FHOD3: variants seen among roughly 807,000 people sequenced by gnomAD.
The protein encoded by FHOD3 is FH1/FH2 domain-containing protein 3.
A neutral mutation model predicts 173.0 loss-of-function variants in FHOD3; 90 were observed. The ratio of observed to expected loss-of-function variants is 0.52; its 90% CI spans 0.44 to 0.62. The LOEUF (loss-of-function observed/expected upper bound fraction) is 0.62, where lower values mean the gene tolerates loss of function less well. Ranked by LOEUF, FHOD3 falls within the 20% of genes least tolerant of loss-of-function variation. The pLI, the probability that FHOD3 is intolerant of heterozygous loss-of-function variation, is 0.00. For missense variants in FHOD3, 1,945 were observed against 2,034.7 expected, an observed-to-expected ratio of 0.96 and a Z score of 0.85; for synonymous variants, 828 against 823.0, an observed-to-expected ratio of 1.01 and a Z score of -0.10.
chr18:36,523,886 C>A (rs1362554558), intron 5 of FHOD3, among the ~76,000 whole-genome samples: 2 of 152,202 alleles, frequency 1.3e-5, no homozygotes, highest in African/African-American at 4.8e-5. Context: ...TTACCAAGCA[C>A]ATGTTGTCTT....
intron 3 of FHOD3, among the ~76,000 whole-genome samples, chr18:36,423,911 C>T (rs1365392830): frequency 6.6e-6 from 1 of 152,158 alleles, no homozygotes; most frequent in Non-Finnish European, 1.5e-5. Flanking sequence ...GTTTGTAAAA[C>T]CCGTATTTGT....
At chr18:36,480,958 C>G (rs553295970) in intron 3 of FHOD3, among the ~76,000 whole-genome samples, 1 of 147,544 alleles carries the variant, frequency 6.8e-6, no homozygotes, top group African/African-American at 2.7e-5. Flanking sequence ...GAAACTCAGG[C>G]CATTTCCAAC....
chr18:36,574,487 A>G (rs910182915), intron 5 of FHOD3, among the ~76,000 whole-genome samples: 2 of 152,176 alleles, frequency 1.3e-5, no homozygotes, highest in South Asian at 2.1e-4. Context: ...ATTCTTTAAC[A>G]TATTTGTTGT....
At chr18:36,775,905 C>G (rs1321780585) in intron 28 of FHOD3, among the ~76,000 whole-genome samples, 1 of 152,138 alleles carries the variant, frequency 6.6e-6, no homozygotes, top group Non-Finnish European at 1.5e-5. Context: ...ATAAACATTT[C>G]CAGTCTGTTC....
At chr18:36,430,678 A>G (rs188931618) in intron 3 of FHOD3, among the ~76,000 whole-genome samples, 1 of 152,344 alleles carries the variant, frequency 6.6e-6, no homozygotes, top group African/African-American at 2.4e-5. Context: ...ATTACCAGAA[A>G]TGAATATGGG....
chr18:36,324,882 A>C lies in FHOD3; in HGVS notation c.165+26882A>C, dbSNP rs151305925. Among the ~76,000 whole-genome samples the C allele has an allele frequency of 3.1e-3, 472 of 152,358 alleles. 3 individuals carry two copies. The highest frequency in any genetic ancestry group is 0.011 in the African/African-American group (437 of 41,588). The stretch of plus-strand genomic sequence containing the variant: ...ATATGTGCCCCAAAAGACATAATAC[A>C]AAACAGAGCAGTCTGTGTGATAGCA... On this transcript the variant is annotated intron_variant, in intron 1 of 28. Transcript: ENST00000590592.
chr18:36,353,143 C>T (rs1398745491), intron 1 of FHOD3, among the ~76,000 whole-genome samples: 1 of 152,234 alleles, frequency 6.6e-6, no homozygotes, highest in Non-Finnish European at 1.5e-5. Context: ...TAAATGCTTT[C>T]TCAAATCAGA....
At chr18:36,650,158 G>C (rs752956393) in intron 11 of FHOD3, among the ~76,000 whole-genome samples, 11 of 151,626 alleles carry the variant, frequency 7.3e-5, no homozygotes, top group Non-Finnish European at 1.3e-4. Flanking sequence ...TTCTAAAATT[G>C]AATGGTTTTC....
At chr18:36,621,935 A>G (rs1176901492) in intron 9 of FHOD3, among the ~76,000 whole-genome samples, 1 of 152,220 alleles carries the variant, frequency 6.6e-6, no homozygotes, top group Non-Finnish European at 1.5e-5. Context: ...TGTGGAACCA[A>G]CCAAAATGTC....
In FHOD3 at chr18:36,435,215, A is replaced by G. The variant is rs189074588; in HGVS notation, c.337+62471A>G. Among the ~76,000 whole-genome samples the G allele has an allele frequency of 4.0e-4, 61 of 151,882 alleles. No individual in the cohort carries two copies. In the East Asian group the frequency reaches 0.011, roughly 28 times the overall value. On this transcript the variant is annotated intron_variant, in intron 3 of 28. Coordinates refer to ENST00000590592, the MANE Select transcript of FHOD3 (RefSeq NM_001281740.3). ...TTTCAAGAGCAAAATATTTTATATT[A>G]GTTATACCTGGAAGTATTCATATAT...
At chr18:36,354,686 A>G (rs950260220) in intron 1 of FHOD3, among the ~76,000 whole-genome samples, 1 of 152,078 alleles carries the variant, frequency 6.6e-6, no homozygotes, top group African/African-American at 2.4e-5. Context: ...GGTGCCTGTA[A>G]TCCCAGCTAC....
intron 2 of FHOD3, among the ~76,000 whole-genome samples, chr18:36,358,032 T>C (rs568924291): frequency 1.3e-5 from 2 of 152,340 alleles, no homozygotes; most frequent in African/African-American, 4.8e-5. Flanking sequence ...ACAAGATCTT[T>C]AATAATTAAT....
chr18:36,691,297 G>C (rs567826837), intron 16 of FHOD3, among the ~76,000 whole-genome samples: 1 of 152,332 alleles, frequency 6.6e-6, no homozygotes, highest in Admixed American at 6.5e-5. Flanking sequence ...TTGATTTCTT[G>C]CAGTGGGATT....
At chr18:36,699,855 G>T (rs922196286) in intron 17 of FHOD3, among the ~76,000 whole-genome samples, 24 of 152,228 alleles carry the variant, frequency 1.6e-4, no homozygotes, top group African/African-American at 5.3e-4. Flanking sequence ...TTTTGAATTT[G>T]TAACTTCTGT....
chr18:36,464,998 T>G (rs1242731597), intron 3 of FHOD3, among the ~76,000 whole-genome samples: 1 of 151,902 alleles, frequency 6.6e-6, no homozygotes, highest in African/African-American at 2.4e-5. Flanking sequence ...AATAGTAAAA[T>G]AGAAATATAA....
chr18:36,688,049 T>G (rs57899237), intron 16 of FHOD3, among the ~76,000 whole-genome samples: 1,806 of 152,300 alleles, frequency 0.012, 43 homozygotes, highest in African/African-American at 0.042. Context: ...CTGGTGTTGA[T>G]CAGTAGTATA....
At chr18:36,548,905 G>C (rs2057525691) in intron 5 of FHOD3, among the ~76,000 whole-genome samples, 1 of 152,134 alleles carries the variant, frequency 6.6e-6, no homozygotes, top group African/African-American at 2.4e-5. Context: ...ACAAGTGTTT[G>C]TATGGAGATG....
At chr18:36,487,637 A>G (rs1011488374) in intron 3 of FHOD3, among the ~76,000 whole-genome samples, 5 of 152,206 alleles carry the variant, frequency 3.3e-5, no homozygotes, top group Non-Finnish European at 5.9e-5. Flanking sequence ...CTTTTCTGCA[A>G]TTGAAGTCTG....
In FHOD3 at chr18:36,718,217, G is replaced by A. The variant is rs1198780638; in HGVS notation, c.2919G>A (p.Lys973=). ...KVPETAPVQP[K]TESDYIWDQL... ...CAGAAACAGCGCCGGTGCAGCCGAAGACAGAGTCTGATTACATCTGGGACC... is the reference window on the plus strand; with the variant it reads ...CAGAAACAGCGCCGGTGCAGCCGAAAACAGAGTCTGATTACATCTGGGACC... The change falls in exon 19 of 29, where the codon AAG becomes AAA. Residue 973 remains lysine (K), a synonymous_variant. Transcript: ENST00000590592. 3 of 1,614,040 alleles carry A rather than the reference G, an allele frequency of 1.9e-6. No individual in the cohort carries two copies. The highest frequency in any genetic ancestry group is 2.5e-6 in the Non-Finnish European group (3 of 1,180,022).
Sources: allele counts gnomAD v4.1 joint callset (sites outside exome capture counted in the v4.1 genomes callset), GRCh38; gene constraint gnomAD v4.1.1; transcripts MANE v1.5; gene names NCBI Gene and HGNC (gene_info 2026-07-23, HGNC 2026-07-21).